Variants in GRIK2 observed in about 807,000 individuals in gnomAD.
GRIK2 encodes glutamate ionotropic receptor kainate type subunit 2.
GRIK2 carries 32 observed loss-of-function variants against 100.3 expected under a neutral mutation model. The observed-to-expected ratio is 0.32, with a 90% CI of 0.24 to 0.43. The LOEUF is 0.43. Among genes scored for constraint, GRIK2 ranks in the 20% least tolerant of loss-of-function variants. The pLI is 1.00. For missense variants in GRIK2, 843 were observed against 1,114.9 expected (o/e 0.76, Z 3.47); for synonymous variants, 417 against 389.4 (o/e 1.07, Z -0.83).
At chr6:101,707,576 ATGTGTG>A (rs56168617) in intron 7 of GRIK2, among the ~76,000 whole-genome samples, 6,619 of 125,310 alleles carry the variant, frequency 0.053, 311 homozygotes, top group East Asian at 0.16. Flanking sequence ...ATATATGTGT[ATGTGTG>A]TGTGTGTGTG....
chr6:101,546,992 A>G (rs2518312), intron 2 of GRIK2, among the ~76,000 whole-genome samples: 93,449 of 149,304 alleles, frequency 0.63, 29,612 homozygotes, highest in Middle Eastern at 0.69. Flanking sequence ...CACTACGCCC[A>G]GCTAATTTTT....
intron 2 of GRIK2, among the ~76,000 whole-genome samples, chr6:101,595,655 CATATTT>C (rs909310471): frequency 1.3e-5 from 2 of 149,392 alleles, no homozygotes; most frequent in African/African-American, 4.9e-5. Context: ...TATATAAACA[CATATTT>C]ATATACACAT....
intron 9 of GRIK2, among the ~76,000 whole-genome samples, chr6:101,802,957 A>G (rs2128414936): frequency 6.6e-6 from 1 of 151,962 alleles, no homozygotes; most frequent in South Asian, 2.1e-4. Flanking sequence ...TTTTATTGCT[A>G]GGGATTGTGG....
chr6:101,398,193 A>C (rs1775091979), intron 1 of GRIK2, among the ~76,000 whole-genome samples: 1 of 152,174 alleles, frequency 6.6e-6, no homozygotes, highest in Non-Finnish European at 1.5e-5. Context: ...AAAAAACCAA[A>C]ATACGAAGAA....
rs148486196 is a variant in GRIK2, at chr6:101,706,227, A to G, written c.951+19874A>G. Among the ~76,000 whole-genome samples, 624 of 152,042 alleles carry G rather than the reference A, an allele frequency of 4.1e-3. 2 individuals carry two copies. The highest frequency in any genetic ancestry group is 4.7e-3 in the Non-Finnish European group (319 of 67,934). On this transcript the variant is annotated intron_variant, in intron 7 of 16. Coordinates refer to ENST00000369134, the MANE Select transcript of GRIK2 (RefSeq NM_021956.5). The stretch of plus-strand genomic sequence containing the variant: ...TTCTACCAAATACATTGCTATATAC[A>G]TGATAGTTTAAAAAAATTAAACCTT...
At chr6:101,795,723 G>A (rs1780256900) in intron 7 of GRIK2, among the ~76,000 whole-genome samples, 1 of 152,186 alleles carries the variant, frequency 6.6e-6, no homozygotes, top group Admixed American at 6.5e-5. Context: ...ACCAGCAGTG[G>A]TGAACAAGGC....
chr6:101,737,635 T>C (rs938128686), intron 7 of GRIK2, among the ~76,000 whole-genome samples: 2 of 152,074 alleles, frequency 1.3e-5, no homozygotes, highest in Non-Finnish European at 1.5e-5. Flanking sequence ...CAAGATGAGA[T>C]TTGGGTGGGG....
chr6:101,518,853 T>C (rs1480367831), intron 2 of GRIK2, among the ~76,000 whole-genome samples: 1 of 152,188 alleles, frequency 6.6e-6, no homozygotes, highest in Non-Finnish European at 1.5e-5. Flanking sequence ...ATTTAGAATC[T>C]GACCCAACAG....
intron 9 of GRIK2, among the ~76,000 whole-genome samples, chr6:101,809,925 T>C (rs1781226080): frequency 6.6e-6 from 1 of 151,976 alleles, no homozygotes. Flanking sequence ...CAGAAAACTA[T>C]TTATGAATGA....
At chr6:101,432,441 A>C (rs1231132165) in intron 2 of GRIK2, among the ~76,000 whole-genome samples, 6 of 152,128 alleles carry the variant, frequency 3.9e-5, no homozygotes, top group Non-Finnish European at 8.8e-5. Flanking sequence ...CATTGGAGTA[A>C]ATGATATTTA....
intron 12 of GRIK2, 111 bp downstream of exon 12, chr6:101,889,974 G>A: frequency 1.5e-6 from 1 of 680,136 alleles, no homozygotes; most frequent in Non-Finnish European, 2.6e-6. Context: ...ATTTTCCATG[G>A]GGTGCTGAGA....
chr6:101,996,742 C>G (rs1182652607), intron 14 of GRIK2, among the ~76,000 whole-genome samples: 1 of 152,050 alleles, frequency 6.6e-6, no homozygotes, highest in Non-Finnish European at 1.5e-5. Context: ...GCCTTAAAAT[C>G]CTGCCCCACA....
intron 2 of GRIK2, among the ~76,000 whole-genome samples, chr6:101,601,006 T>C (rs183224723): frequency 2.6e-5 from 4 of 151,918 alleles, no homozygotes; most frequent in East Asian, 1.9e-4. Flanking sequence ...TCTTCTTCAG[T>C]TCTTATGGGG....
chr6:101,589,952 T>G (rs1268501231), intron 2 of GRIK2, among the ~76,000 whole-genome samples: 1 of 152,124 alleles, frequency 6.6e-6, no homozygotes. Context: ...CTGGATAAAA[T>G]AACATTTTAA....
chr6:101,444,798 T>G (rs1770272315), intron 2 of GRIK2, among the ~76,000 whole-genome samples: 1 of 152,090 alleles, frequency 6.6e-6, no homozygotes, highest in South Asian at 2.1e-4. Flanking sequence ...TCATGATCAT[T>G]TCTCCCCCTT....
intron 2 of GRIK2, among the ~76,000 whole-genome samples, chr6:101,404,747 G>T (rs1418639582): frequency 6.6e-6 from 1 of 152,142 alleles, no homozygotes; most frequent in Non-Finnish European, 1.5e-5. Flanking sequence ...GCTTCAAAGG[G>T]CTTTCAATTT....
chr6:101,538,719 C>T (rs1775842933), intron 2 of GRIK2, among the ~76,000 whole-genome samples: 2 of 151,308 alleles, frequency 1.3e-5, no homozygotes, highest in African/African-American at 4.8e-5. Flanking sequence ...AGTACTGCTT[C>T]TTTGTTTTAT....
At chr6:101,647,615 G>C (rs1300437795) in intron 4 of GRIK2, among the ~76,000 whole-genome samples, 3 of 151,952 alleles carry the variant, frequency 2.0e-5, no homozygotes, top group Admixed American at 2.0e-4. Flanking sequence ...ATCTGAACCA[G>C]CATAATGTCA....
intron 15 of GRIK2, among the ~76,000 whole-genome samples, chr6:102,048,591 T>A (rs1321701052): frequency 6.6e-6 from 1 of 152,026 alleles, no homozygotes; most frequent in Non-Finnish European, 1.5e-5. Flanking sequence ...AACAGATATA[T>A]GAAAAATAAT....
Sources: allele counts gnomAD v4.1 joint callset (sites outside exome capture counted in the v4.1 genomes callset), GRCh38; gene constraint gnomAD v4.1.1; transcripts MANE v1.5; gene names NCBI Gene and HGNC (gene_info 2026-07-23, HGNC 2026-07-21).